PLBD2: variants seen among roughly 807,000 people sequenced by gnomAD.
PLBD2 encodes the protein putative aminopeptidase PLBD2.
In PLBD2, 51 loss-of-function variants were observed where a neutral mutation model predicts 68.3. The ratio of observed to expected loss-of-function variants is 0.75; its 90% confidence interval spans 0.60 to 0.94. PLBD2 has a LOEUF of 0.94. Ranked by LOEUF, PLBD2 falls within the 40% of genes least tolerant of loss-of-function variation. The pLI, the probability that PLBD2 is intolerant of heterozygous loss-of-function variation, is 0.00. For missense variants in PLBD2, 729 were observed against 792.2 expected (o/e 0.92, Z 0.96); for synonymous variants, 314 against 339.3 (o/e 0.93, Z 0.82).
chr12:113,380,198 G>A (rs952025869), intron 5 of PLBD2, among the ~76,000 whole-genome samples: 2 of 151,886 alleles, frequency 1.3e-5, no homozygotes, highest in Admixed American at 6.6e-5. Flanking sequence ...GTGCAGTGGC[G>A]CGATCTCGGC....
rs940011771 is a variant in PLBD2, at chr12:113,369,075, G to T, written c.291-41G>T. On this transcript the variant is annotated intron_variant, in intron 1 of 11. Coordinates refer to ENST00000280800, the MANE Select transcript of PLBD2 (RefSeq NM_173542.4). ...TGGAGATGCCATGTGTCTAGCTGGG[G>T]GCCTCTGCTGCTGACTGAGTGTCCC... 4.2e-6 allele frequency: 6 copies of T among 1,417,562 alleles called. No homozygotes were observed. In the African/African-American group the frequency reaches 7.1e-5, roughly 17 times the overall value. 87.8% of individuals were successfully genotyped at this position (1,417,562 alleles called of 1,614,324 possible).
chr12:113,360,643 G>T (rs1168286713), intron 1 of PLBD2, among the ~76,000 whole-genome samples: 11 of 152,122 alleles, frequency 7.2e-5, no homozygotes, highest in Admixed American at 7.2e-4. Context: ...AGAAAGCACT[G>T]TTTATTTATT....
At chr12:113,380,474 T>C (rs969987226) in intron 5 of PLBD2, among the ~76,000 whole-genome samples, 1 of 152,236 alleles carries the variant, frequency 6.6e-6, no homozygotes, top group African/African-American at 2.4e-5. Flanking sequence ...CCTAGTATTT[T>C]TGGTCCCCAG....
At chr12:113,370,364 A>G (rs1957378105) in intron 2 of PLBD2, among the ~76,000 whole-genome samples, 1 of 151,638 alleles carries the variant, frequency 6.6e-6, no homozygotes, top group South Asian at 2.1e-4. Context: ...GTACCATTCT[A>G]GGTTTTAGTT....
At position 113,390,303 on chromosome 12, in the gene PLBD2, CACCT is replaced by C. The variant is rs1213328310; in HGVS notation, c.*1683_*1686del. The C allele has an allele frequency of 1.3e-5, 2 of 151,504 alleles. No homozygotes were observed. Among genetic ancestry groups the C allele is most frequent in the Non-Finnish European group, 2.9e-5 (2 of 67,854 alleles). 9.4% of individuals were successfully genotyped at this position (151,504 alleles called of 1,614,324 possible). On this transcript the variant is annotated 3_prime_UTR_variant, in exon 12 of 12. Coordinates refer to ENST00000280800, the MANE Select transcript of PLBD2 (RefSeq NM_173542.4). ...CTACCCACTCACCTATCCACCCATCCACCTACCTATTTGTCACCCATCCACCCAT... is the reference window on the plus strand; with the variant it reads ...CTACCCACTCACCTATCCACCCATCCACCTATTTGTCACCCATCCACCCAT...
At chr12:113,383,284 G>A (rs1957514099) in intron 6 of PLBD2, among the ~76,000 whole-genome samples, 1 of 152,112 alleles carries the variant, frequency 6.6e-6, no homozygotes, top group African/African-American at 2.4e-5. Flanking sequence ...GGGTGGGAAT[G>A]GGAGGTTGCC....
At chr12:113,365,220 G>A (rs1957331764) in intron 1 of PLBD2, among the ~76,000 whole-genome samples, 1 of 152,098 alleles carries the variant, frequency 6.6e-6, no homozygotes, top group Non-Finnish European at 1.5e-5. Flanking sequence ...CCTGCTGTGT[G>A]ACCTTGGGCA....
chr12:113,361,847 C>A (rs1423170121), intron 1 of PLBD2, among the ~76,000 whole-genome samples: 1 of 152,182 alleles, frequency 6.6e-6, no homozygotes. Flanking sequence ...CACTGACCAG[C>A]ACCTTATCGA....
At chr12:113,374,392 C>A in intron 3 of PLBD2, 82 bp from the exon 4 acceptor site, 1 of 973,722 alleles carries the variant, frequency 1.0e-6, no homozygotes, top group Non-Finnish European at 1.6e-6. Context: ...AACCCCCAGG[C>A]CAGAGCCCGT....
At chr12:113,387,981 T>TG (rs1321975179) in intron 11 of PLBD2, 75 bp downstream of exon 11, 1 of 1,549,958 alleles carries the variant, frequency 6.5e-7, no homozygotes, top group East Asian at 2.3e-5. Context: ...AGGGACAGGT[T>TG]GGGGCAAAGC....
chr12:113,381,251 C>A (rs561810793), intron 6 of PLBD2, among the ~76,000 whole-genome samples: 19 of 152,120 alleles, frequency 1.2e-4, no homozygotes, highest in Admixed American at 4.6e-4. Context: ...CCCCGCCCCC[C>A]CCACATCCCC....
At chr12:113,385,787 G>C (rs1239102972) in intron 9 of PLBD2, among the ~76,000 whole-genome samples, 1 of 152,190 alleles carries the variant, frequency 6.6e-6, no homozygotes, top group Non-Finnish European at 1.5e-5. Context: ...ATCTTGCCCT[G>C]TCACCCAGGC....
In PLBD2 at chr12:113,382,307, A is replaced by G. The variant is rs73430150; in HGVS notation, c.957+1465A>G. Among the ~76,000 whole-genome samples the G allele has an allele frequency of 3.5e-3, 535 of 152,376 alleles. 3 individuals are homozygous for G. The highest frequency in any genetic ancestry group is 0.012 in the African/African-American group (516 of 41,590). On this transcript the variant is annotated intron_variant, in intron 6 of 11. Coordinates refer to ENST00000280800, the MANE Select transcript of PLBD2 (RefSeq NM_173542.4). Reference sequence around the variant, plus strand: ...CCATAAGTTAGAAGAAGCAAGGTGCATGAATGATACTTTAAGGTATGTACA... The same window carrying G: ...CCATAAGTTAGAAGAAGCAAGGTGCGTGAATGATACTTTAAGGTATGTACA...
In PLBD2 at chr12:113,384,789, G is replaced by A; in HGVS notation, c.1119-62G>A. On this transcript the variant is annotated intron_variant, in intron 7 of 11. Transcript: ENST00000280800. This position sits in a 1 kb window ranked among gnomAD's most constrained non-coding sequence, Gnocchi z 4.2. ...TCCTAGCTGAGTGGGACACTGCAGG[G>A]TGGGGAAAGCTGGGGAGGTGGCTCC... 1 of 1,411,524 alleles carries A rather than the reference G, an allele frequency of 7.1e-7. No individual in the cohort carries two copies. The highest frequency in any genetic ancestry group is 1.7e-5 in the Admixed American group (1 of 57,928). The allele number at this position is 1,411,524 out of a possible 1,614,324, so 87.4% of individuals were successfully genotyped here. A position where few individuals can be genotyped will look rare whatever the true frequency, so the allele number is the denominator to read the frequency against.
chr12:113,384,289 G>T lies in PLBD2; in HGVS notation c.1118+24G>T, dbSNP rs761724466. 4 of 1,594,608 alleles carry T rather than the reference G, an allele frequency of 2.5e-6. No homozygotes were observed. The highest frequency in any genetic ancestry group is 3.4e-6 in the Non-Finnish European group (4 of 1,169,156). ...ACGTGAGTGGGCTTCTGGCCCTGTG[G>T]CTTCCCCTGCACCAAGAGATAGACC... On this transcript the variant is annotated intron_variant, in intron 7 of 11. Coordinates refer to ENST00000280800, the MANE Select transcript of PLBD2 (RefSeq NM_173542.4). The surrounding 1 kb of genome is among the most constrained non-coding windows in gnomAD (Gnocchi z 4.2).
chr12:113,380,222 T>C (rs981419247), intron 5 of PLBD2, among the ~76,000 whole-genome samples: 4 of 152,310 alleles, frequency 2.6e-5, no homozygotes, highest in Admixed American at 6.5e-5. Flanking sequence ...CTGCAAGCTC[T>C]GCCTCCCGGG....
Position 113,387,064 on chromosome 12 carries a change from A to C in PLBD2, c.1414A>C (p.Met472Leu), listed in dbSNP as rs1475208531. Residue 472 changes from methionine (M) to leucine (L), a missense_variant, in exon 10 of 12, where the codon ATG becomes CTG. Physicochemically the swap from Met to Leu is conservative, Grantham distance 15. Transcript: ENST00000280800. ...FRRNQSLVQD[M>L]DSMVRLMRYN... ...GCGGAACCAGTCACTGGTACAAGAC[A>C]TGGACTCCATGGTCAGGCTGATGAG... The C allele has an allele frequency of 6.2e-7, 1 of 1,603,046 alleles. No homozygotes were observed. The highest frequency in any genetic ancestry group is 8.5e-7 in the Non-Finnish European group (1 of 1,175,128).
At chr12:113,361,939 G>A (rs1466910983) in intron 1 of PLBD2, among the ~76,000 whole-genome samples, 1 of 152,154 alleles carries the variant, frequency 6.6e-6, no homozygotes, top group Non-Finnish European at 1.5e-5. Context: ...TTTAGTAAAC[G>A]GGGAAGCATC....
rs772064169 is a variant in PLBD2 at position 113,372,825 on chromosome 12, G to T, written c.543+18G>T. On this transcript the variant is annotated intron_variant, in intron 3 of 11. Transcript: ENST00000280800. The surrounding 1 kb of genome is among the most constrained non-coding windows in gnomAD (Gnocchi z 4.2). ...GGCACCAGGTGAGTCCTGCTGCCAC[G>T]CTTGGTGGGAGGGGGCTTCCAGCTG... The T allele has an allele frequency of 4.4e-6, 7 of 1,606,452 alleles. No individual in the cohort carries two copies. Among genetic ancestry groups the T allele is most frequent in the Non-Finnish European group, 5.1e-6 (6 of 1,176,212 alleles).
Sources: gnomAD v4.1 joint callset for allele counts (sites outside exome capture counted in the v4.1 genomes callset) on GRCh38, gnomAD v4.1.1 for gene constraint, Gnocchi (gnomAD v3.1) non-coding constraint, MANE v1.5 for transcripts, NCBI Gene and HGNC (gene_info 2026-07-23, HGNC 2026-07-21) for gene names.